The following SSBP3 variants were observed in gnomAD, a reference collection of about 807,000 sequenced individuals.
The protein encoded by SSBP3 is single stranded DNA binding protein 3.
Under a neutral mutation model 69.6 loss-of-function variants are expected in SSBP3, and 5 were observed. The ratio of observed to expected loss-of-function variants is 0.07; its 90% CI spans 0.04 to 0.15. The LOEUF (loss-of-function observed/expected upper bound fraction) is 0.15. SSBP3 is among the 10% of genes least tolerant of loss of function. The pLI is 1.00. For missense variants in SSBP3, 312 were observed against 534.0 expected (o/e 0.58, Z 4.10); for synonymous variants, 196 against 193.4 (o/e 1.01, Z -0.11).
At chr1:54,349,088 T>C (rs1392609524) in intron 4 of SSBP3, among the ~76,000 whole-genome samples, 1 of 152,226 alleles carries the variant, frequency 6.6e-6, no homozygotes, top group African/African-American at 2.4e-5. Flanking sequence ...ATTACCTGTC[T>C]GAACAAAGCT....
chr1:54,303,758 G>T (rs568938194), intron 4 of SSBP3, among the ~76,000 whole-genome samples: 5 of 152,266 alleles, frequency 3.3e-5, no homozygotes, highest in Admixed American at 6.5e-5. Flanking sequence ...GTACCAGACT[G>T]CAAAGGCAGT....
chr1:54,358,363 C>A (rs1258508574), intron 4 of SSBP3, among the ~76,000 whole-genome samples: 1 of 152,206 alleles, frequency 6.6e-6, no homozygotes, highest in Non-Finnish European at 1.5e-5. Context: ...TGAAGCTGAA[C>A]CAGCCCACCC....
chr1:54,379,037 C>T (rs1364419332), intron 4 of SSBP3, among the ~76,000 whole-genome samples: 1 of 152,216 alleles, frequency 6.6e-6, no homozygotes, highest in Non-Finnish European at 1.5e-5. Context: ...GGTCCCCGCC[C>T]CAACCCACTT....
chr1:54,316,723 A>G (rs1293042093), intron 4 of SSBP3, among the ~76,000 whole-genome samples: 4 of 150,006 alleles, frequency 2.7e-5, no homozygotes, highest in Non-Finnish European at 5.9e-5. Flanking sequence ...ATAAAATAAA[A>G]TAAAATAAAA....
chr1:54,240,116 GCGCGCAA>G (rs1371439699), intron 13 of SSBP3, among the ~76,000 whole-genome samples: 4,157 of 11,210 alleles, frequency 0.37, 241 homozygotes, highest in African/African-American at 0.46. Flanking sequence ...GTGCGCGCGC[GCGCGCAA>G]CACATGCCCA....
At chr1:54,396,577 G>A (rs974155754) in intron 4 of SSBP3, among the ~76,000 whole-genome samples, 5 of 152,092 alleles carry the variant, frequency 3.3e-5, no homozygotes, top group Non-Finnish European at 7.4e-5. Flanking sequence ...TTCCCCACTC[G>A]AGACCCTGCC....
At chr1:54,312,676 A>C (rs545197963) in intron 4 of SSBP3, among the ~76,000 whole-genome samples, 21 of 152,268 alleles carry the variant, frequency 1.4e-4, no homozygotes, top group African/African-American at 5.1e-4. Context: ...TGTATCCTTA[A>C]GGCTCCCACC....
intron 4 of SSBP3, among the ~76,000 whole-genome samples, chr1:54,381,404 AAAAGAG>A (rs1240624015): frequency 6.6e-6 from 1 of 151,440 alleles, no homozygotes. Flanking sequence ...AAAAAAAAAA[AAAAGAG>A]AGAGAGAGCA....
intron 7 of SSBP3, among the ~76,000 whole-genome samples, chr1:54,252,796 C>A (rs1349728837): frequency 2.0e-5 from 3 of 152,230 alleles, no homozygotes; most frequent in African/African-American, 7.2e-5. Context: ...AGGACCTCAT[C>A]CCTTAGGGCT....
At chr1:54,366,932 T>G (rs1647037444) in intron 4 of SSBP3, among the ~76,000 whole-genome samples, 2 of 152,126 alleles carry the variant, frequency 1.3e-5, no homozygotes, top group Admixed American at 1.3e-4. Context: ...CCCCTCCCAT[T>G]TACAACTGAG....
intron 4 of SSBP3, among the ~76,000 whole-genome samples, chr1:54,293,135 C>A (rs927201098): frequency 3.3e-5 from 5 of 152,132 alleles, no homozygotes; most frequent in Non-Finnish European, 2.9e-5. Context: ...AAGGGCAAGG[C>A]GGGGCTGCCA....
intron 4 of SSBP3, among the ~76,000 whole-genome samples, chr1:54,345,297 C>T (rs12092071): frequency 0.26 from 40,071 of 151,992 alleles, 5,753 homozygotes; most frequent in African/African-American, 0.37. Context: ...ATTGACACTA[C>T]GCAATATTTG....
chr1:54,303,193 GC>G (rs1178284319), intron 4 of SSBP3, among the ~76,000 whole-genome samples: 1 of 152,218 alleles, frequency 6.6e-6, no homozygotes, highest in East Asian at 1.9e-4. Context: ...AGCTCTGGAG[GC>G]CAAGAGAGCA....
chr1:54,276,564 T>TCA (rs1645289563), intron 5 of SSBP3, among the ~76,000 whole-genome samples: 1 of 127,328 alleles, frequency 7.9e-6, no homozygotes. Flanking sequence ...TGAGCCGAGA[T>TCA]CGCCACTGCC....
chr1:54,390,517 CTGA>C (rs1648407178), intron 4 of SSBP3, among the ~76,000 whole-genome samples: 1 of 152,212 alleles, frequency 6.6e-6, no homozygotes, highest in African/African-American at 2.4e-5. Flanking sequence ...CTGAAGCACT[CTGA>C]TGATCAAGTT....
At chr1:54,366,689 C>T (rs1647034178) in intron 4 of SSBP3, among the ~76,000 whole-genome samples, 1 of 152,082 alleles carries the variant, frequency 6.6e-6, no homozygotes, top group African/African-American at 2.4e-5. Flanking sequence ...ATTTTATATA[C>T]CTCTATATTT....
At chr1:54,394,871 T>G (rs978929959) in intron 4 of SSBP3, among the ~76,000 whole-genome samples, 10 of 151,744 alleles carry the variant, frequency 6.6e-5, no homozygotes, top group Non-Finnish European at 2.9e-5. Context: ...CCCAGCTATT[T>G]TTTTTGTATT....
At chr1:54,369,579 T>A (rs1569961176) in intron 4 of SSBP3, among the ~76,000 whole-genome samples, 1 of 152,080 alleles carries the variant, frequency 6.6e-6, no homozygotes, top group Non-Finnish European at 1.5e-5. Context: ...AGACTGGAGG[T>A]GAAGAAGTCC....
chr1:54,241,549 T>C, intron 11 of SSBP3, 40 bp from the exon 12 acceptor site: 1 of 1,610,148 alleles, frequency 6.2e-7, no homozygotes, highest in Non-Finnish European at 8.5e-7. Flanking sequence ...TCAGAGTCAC[T>C]GAGTGCCCTC....
Sources: gnomAD v4.1 joint callset for allele counts (sites outside exome capture counted in the v4.1 genomes callset) on GRCh38, gnomAD v4.1.1 for gene constraint, MANE v1.5 for transcripts, NCBI Gene and HGNC (gene_info 2026-07-23, HGNC 2026-07-21) for gene names.